Variants in ESR1 observed in about 807,000 individuals in gnomAD.
The protein encoded by ESR1 is estrogen receptor.
In ESR1, 12 loss-of-function variants were observed where a neutral mutation model predicts 52.7. The ratio of observed to expected loss-of-function variants is 0.23; its 90% CI spans 0.15 to 0.37. The LOEUF (loss-of-function observed/expected upper bound fraction) is 0.37. Among genes scored for constraint, ESR1 ranks in the 10% least tolerant of loss-of-function variants. The pLI is 1.00. For synonymous variants in ESR1, 305 were observed against 316.8 expected (o/e 0.96, Z 0.39); for missense variants, 584 against 779.7 (o/e 0.75, Z 2.99).
chr6:151,699,488 G>A (rs1477019050), intron 1 of ESR1, among the ~76,000 whole-genome samples: 1 of 152,084 alleles, frequency 6.6e-6, no homozygotes, highest in Non-Finnish European at 1.5e-5. Flanking sequence ...TGGACACAAG[G>A]AAACATCTGT....
At chr6:151,909,513 G>A (rs1220553531) in intron 3 of ESR1, among the ~76,000 whole-genome samples, 5 of 152,220 alleles carry the variant, frequency 3.3e-5, no homozygotes. Context: ...CTGACACCAG[G>A]AAAGTCTTCA....
intron 2 of ESR1, among the ~76,000 whole-genome samples, chr6:151,870,262 T>C (rs35420101): frequency 2.0e-5 from 3 of 152,170 alleles, no homozygotes; most frequent in Non-Finnish European, 4.4e-5. Flanking sequence ...TATGCCATAA[T>C]CTACTGATGA....
chr6:151,966,652 C>T (rs2038304563), intron 4 of ESR1, among the ~76,000 whole-genome samples: 1 of 152,034 alleles, frequency 6.6e-6, no homozygotes. Flanking sequence ...ATTATTCAGT[C>T]TGTGCATTTT....
intron 6 of ESR1, chr6:152,122,799 G>T: frequency 6.8e-7 from 1 of 1,479,736 alleles, no homozygotes; most frequent in Non-Finnish European, 9.2e-7. Context: ...CTGGCGATCA[G>T]CTGCCAGCCT....
chr6:151,894,933 G>T (rs554332437), intron 3 of ESR1, among the ~76,000 whole-genome samples: 15 of 152,070 alleles, frequency 9.9e-5, no homozygotes, highest in African/African-American at 3.4e-4. Flanking sequence ...AATGATGGTG[G>T]TATTTTGATG....
chr6:151,982,589 A>G (rs1766526013), intron 4 of ESR1, among the ~76,000 whole-genome samples: 1 of 151,384 alleles, frequency 6.6e-6, no homozygotes, highest in African/African-American at 2.5e-5. Context: ...GGTTCAAGCC[A>G]GTCTCCTGCC....
At chr6:151,950,675 G>T (rs1049725187) in intron 4 of ESR1, among the ~76,000 whole-genome samples, 4 of 152,084 alleles carry the variant, frequency 2.6e-5, no homozygotes, top group African/African-American at 4.8e-5. Context: ...TGCTGGGTCT[G>T]CAAGCTGAGA....
At chr6:151,861,143 A>C (rs1034685218) in intron 2 of ESR1, among the ~76,000 whole-genome samples, 1 of 152,190 alleles carries the variant, frequency 6.6e-6, no homozygotes, top group Non-Finnish European at 1.5e-5. Flanking sequence ...TAAATTATTA[A>C]AATATCCTTT....
chr6:152,089,881 A>G (rs924122541), intron 6 of ESR1, among the ~76,000 whole-genome samples: 2 of 152,170 alleles, frequency 1.3e-5, no homozygotes, highest in African/African-American at 4.8e-5. Flanking sequence ...CCCAGCCACT[A>G]TAGATTTTTA....
rs1205902935 is a variant in ESR1, at chr6:152,053,313, C to G, written c.1236-7678C>G. ...CCAGCCACACCTCTGACCATTCAAC[C>G]ATTTGTCCTCTTGATTGGTTCCACC... On this transcript the variant is annotated intron_variant, in intron 5 of 7. Transcript: ENST00000206249. The surrounding 1 kb of genome is among the most constrained non-coding windows in gnomAD (Gnocchi z 4.1). Among the ~76,000 whole-genome samples the G allele has an allele frequency of 6.6e-6, 1 of 152,072 alleles. No homozygotes were observed. Among genetic ancestry groups the G allele is most frequent in the Non-Finnish European group, 1.5e-5 (1 of 68,012 alleles).
At chr6:152,023,442 CTTTG>C (rs1309457994) in intron 5 of ESR1, among the ~76,000 whole-genome samples, 1 of 152,050 alleles carries the variant, frequency 6.6e-6, no homozygotes, top group Non-Finnish European at 1.5e-5. Context: ...TGTCCTTTTT[CTTTG>C]TTTATTTTTG....
intron 2 of ESR1, among the ~76,000 whole-genome samples, chr6:151,848,114 G>T (rs1202695584): frequency 1.0e-5 from 1 of 100,236 alleles, no homozygotes; most frequent in African/African-American, 4.0e-5. Context: ...TTAAGAAAAT[G>T]TGGCACATAT....
At chr6:151,881,980 G>A (rs914061867) in intron 3 of ESR1, among the ~76,000 whole-genome samples, 6 of 152,172 alleles carry the variant, frequency 3.9e-5, no homozygotes, top group African/African-American at 1.4e-4. Flanking sequence ...GGGAGGGAAG[G>A]GCTGATGATG....
At chr6:152,090,739 G>A (rs1159134006) in intron 6 of ESR1, among the ~76,000 whole-genome samples, 1 of 152,200 alleles carries the variant, frequency 6.6e-6, no homozygotes, top group East Asian at 1.9e-4. Context: ...GAGAAGGTGA[G>A]GGACAGCAGA....
intron 2 of ESR1, among the ~76,000 whole-genome samples, chr6:151,790,149 A>G (rs1298537369): frequency 2.6e-5 from 4 of 152,162 alleles, no homozygotes; most frequent in Non-Finnish European, 1.5e-5. Context: ...CACACTTCCT[A>G]TTGAAGTCAT....
At chr6:151,924,773 T>C (rs933645986) in intron 3 of ESR1, among the ~76,000 whole-genome samples, 1 of 152,200 alleles carries the variant, frequency 6.6e-6, no homozygotes, top group African/African-American at 2.4e-5. Context: ...GCTCTCGTGT[T>C]TTTTTTCTTT....
In ESR1 at chr6:152,101,825, G is replaced by A. The variant is rs965565740; in HGVS notation, c.*2859G>A. The stretch of plus-strand genomic sequence containing the variant: ...TGGAGGAAAATGGTTAATTCTGGGT[G>A]TGCACCAGGGTTCAGTAGAGTCCAC... On this transcript the variant is annotated 3_prime_UTR_variant, in exon 8 of 8. Coordinates refer to ENST00000206249, the MANE Select transcript of ESR1 (RefSeq NM_000125.4). 1.3e-5 allele frequency: 3 copies of A among 226,106 alleles called. No homozygotes were observed. The highest frequency in any genetic ancestry group is 1.1e-4 in the Admixed American group (2 of 17,506). The allele number at this position is 226,106 out of a possible 1,614,324, so 14.0% of individuals were successfully genotyped here.
chr6:151,746,606 T>G (rs1783501515), intron 2 of ESR1, among the ~76,000 whole-genome samples: 1 of 152,252 alleles, frequency 6.6e-6, no homozygotes, highest in South Asian at 2.1e-4. Context: ...AAATGCTATT[T>G]GTAATACAAA....
At chr6:151,944,146 A>AT (rs751516120) in intron 3 of ESR1, 27 bp from the exon 4 acceptor site, 9 of 1,531,302 alleles carry the variant, frequency 5.9e-6, no homozygotes, top group South Asian at 1.1e-5. Context: ...AAAATAAACT[A>AT]ATTTTTTTTT....
Sources: allele counts gnomAD v4.1 joint callset (sites outside exome capture counted in the v4.1 genomes callset), GRCh38; gene constraint gnomAD v4.1.1; non-coding constraint Gnocchi (gnomAD v3.1); transcripts MANE v1.5; gene names NCBI Gene and HGNC (gene_info 2026-07-23, HGNC 2026-07-21).